The following FSTL5 variants were observed in gnomAD, a reference collection of about 807,000 sequenced individuals.
The protein encoded by FSTL5 is follistatin-related protein 5.
A neutral mutation model predicts 89.1 loss-of-function variants in FSTL5; 62 were observed. That is an observed-to-expected ratio of 0.70 (90% CI 0.57 to 0.86). The LOEUF is 0.86. Among genes scored for constraint, FSTL5 ranks in the 40% least tolerant of loss-of-function variants. The pLI is 0.00. For missense variants in FSTL5, 1,057 were observed against 1,001.6 expected, an observed-to-expected ratio of 1.06 and a Z score of -0.75; for synonymous variants, 383 against 346.2, an observed-to-expected ratio of 1.11 and a Z score of -1.18.
At position 162,096,530 on chromosome 4, in the gene FSTL5, C is replaced by T. The variant is rs1450639979; in HGVS notation, c.126+14741G>A. On this transcript the variant is annotated intron_variant, in intron 2 of 15. Coordinates refer to ENST00000306100, the MANE Select transcript of FSTL5 (RefSeq NM_020116.5). The stretch of plus-strand genomic sequence containing the variant: ...TTTCCTGTATAATTTCTTGGTCATA[C>T]CCAAGTAATCTTAAAGCTCAACATA... Among the ~76,000 whole-genome samples, 8 of 151,770 alleles carry T rather than the reference C, an allele frequency of 5.3e-5. No homozygotes were observed. The East Asian group carries it at 1.5e-3, about 29-fold the overall frequency.
chr4:162,097,216 C>T (rs1007699512), intron 2 of FSTL5, among the ~76,000 whole-genome samples: 1 of 151,588 alleles, frequency 6.6e-6, no homozygotes, highest in Non-Finnish European at 1.5e-5. Flanking sequence ...TTGGGTGTAA[C>T]TGATTATCCT....
chr4:162,126,303 A>G (rs1165031868), intron 1 of FSTL5, among the ~76,000 whole-genome samples: 1 of 152,064 alleles, frequency 6.6e-6, no homozygotes, highest in Non-Finnish European at 1.5e-5. Context: ...TAATATTAAA[A>G]TTATTAATTG....
chr4:161,763,285 A>T (rs1236482105), intron 5 of FSTL5, among the ~76,000 whole-genome samples: 1 of 152,154 alleles, frequency 6.6e-6, no homozygotes, highest in African/African-American at 2.4e-5. Flanking sequence ...TATAGTAGTA[A>T]ATATATATAT....
intron 8 of FSTL5, among the ~76,000 whole-genome samples, chr4:161,575,738 C>G (rs1578938522): frequency 6.6e-6 from 1 of 152,292 alleles, no homozygotes; most frequent in East Asian, 1.9e-4. Flanking sequence ...AAGGCGTGAG[C>G]CACCGTGCAC....
chr4:162,153,880 A>T lies in FSTL5; in HGVS notation c.-17+9735T>A, dbSNP rs1380294336. ...GAGTGCAATAGCATGATCTCGGCTC[A>T]CCACAACCTCCACCCCTTGGGTTCA... On this transcript the variant is annotated intron_variant, in intron 1 of 15. Coordinates refer to ENST00000306100, the MANE Select transcript of FSTL5 (RefSeq NM_020116.5). 2.7e-5 allele frequency among the ~76,000 whole-genome samples: 4 copies of T among 150,720 alleles called. No homozygotes were observed. In the East Asian group the frequency reaches 7.8e-4, roughly 29 times the overall value.
At chr4:161,995,773 T>C (rs72693224) in intron 3 of FSTL5, among the ~76,000 whole-genome samples, 3 of 151,554 alleles carry the variant, frequency 2.0e-5, no homozygotes, top group African/African-American at 7.3e-5. Flanking sequence ...ATGAGTTTTT[T>C]TTTTTTTTTT....
intron 2 of FSTL5, among the ~76,000 whole-genome samples, chr4:162,089,451 A>G (rs2111352848): frequency 6.6e-6 from 1 of 152,002 alleles, no homozygotes; most frequent in South Asian, 2.1e-4. Flanking sequence ...CCTGGCCAAC[A>G]TGGTGAAATC....
At chr4:161,914,582 T>G (rs1177722227) in intron 4 of FSTL5, among the ~76,000 whole-genome samples, 1 of 152,170 alleles carries the variant, frequency 6.6e-6, no homozygotes, top group Non-Finnish European at 1.5e-5. Flanking sequence ...TTTACAAATG[T>G]CAATCAATAA....
At chr4:161,948,344 G>A (rs1734794377) in intron 3 of FSTL5, among the ~76,000 whole-genome samples, 1 of 150,226 alleles carries the variant, frequency 6.7e-6, no homozygotes, top group East Asian at 1.9e-4. Context: ...GCTCTGTACA[G>A]CTTTTTAAAT....
intron 2 of FSTL5, among the ~76,000 whole-genome samples, chr4:162,091,626 G>A (rs1035927095): frequency 6.6e-6 from 1 of 152,004 alleles, no homozygotes; most frequent in Admixed American, 6.6e-5. Context: ...ATCCTCCAAG[G>A]TTTCATTTGT....
chr4:161,838,840 C>T (rs902216561), intron 4 of FSTL5, among the ~76,000 whole-genome samples: 17 of 151,954 alleles, frequency 1.1e-4, no homozygotes, highest in Admixed American at 2.0e-4. Context: ...AGCTGTAAAA[C>T]AAATCTCAAT....
At chr4:162,063,069 T>G (rs1738774667) in intron 2 of FSTL5, among the ~76,000 whole-genome samples, 1 of 151,902 alleles carries the variant, frequency 6.6e-6, no homozygotes, top group Non-Finnish European at 1.5e-5. Context: ...TCCTGTTCAC[T>G]TCTTCAATCT....
chr4:161,453,470 C>T (rs886678467), intron 15 of FSTL5, among the ~76,000 whole-genome samples: 1 of 152,034 alleles, frequency 6.6e-6, no homozygotes, highest in African/African-American at 2.4e-5. Context: ...TTAAGTGGTA[C>T]CATTTCAGTT....
chr4:161,993,295 G>T (rs997513935), intron 3 of FSTL5, among the ~76,000 whole-genome samples: 1 of 151,686 alleles, frequency 6.6e-6, no homozygotes, highest in Admixed American at 6.6e-5. Context: ...AATTAGAATT[G>T]TAACTGAATA....
At chr4:162,020,276 T>C (rs982796743) in intron 3 of FSTL5, among the ~76,000 whole-genome samples, 13 of 152,108 alleles carry the variant, frequency 8.5e-5, no homozygotes, top group African/African-American at 1.9e-4. Context: ...CTTAAGTTGT[T>C]GAACAAAACA....
intron 7 of FSTL5, among the ~76,000 whole-genome samples, chr4:161,600,955 T>C (rs1011486689): frequency 1.4e-4 from 22 of 152,052 alleles, no homozygotes; most frequent in African/African-American, 5.3e-4. Context: ...CCCTGGTGCC[T>C]CTAGAAAGAG....
chr4:161,428,639 C>T (rs913762581), intron 15 of FSTL5, among the ~76,000 whole-genome samples: 3 of 152,094 alleles, frequency 2.0e-5, no homozygotes, highest in Admixed American at 6.5e-5. Context: ...GAAACCACTG[C>T]TTTAAATGGA....
intron 6 of FSTL5, among the ~76,000 whole-genome samples, chr4:161,686,714 T>G (rs1737759669): frequency 6.6e-6 from 1 of 152,100 alleles, no homozygotes. Flanking sequence ...ATACTTATAA[T>G]TTATTTAGTC....
chr4:161,794,190 G>A (rs1729559786), intron 4 of FSTL5, among the ~76,000 whole-genome samples: 1 of 152,108 alleles, frequency 6.6e-6, no homozygotes, highest in Admixed American at 6.5e-5. Context: ...CAGCAATGCT[G>A]ATTTAATTAA....
Sources: allele counts gnomAD v4.1 joint callset (sites outside exome capture counted in the v4.1 genomes callset), GRCh38; gene constraint gnomAD v4.1.1; transcripts MANE v1.5; gene names NCBI Gene and HGNC (gene_info 2026-07-23, HGNC 2026-07-21).